SIPA1L2: variants seen among roughly 807,000 people sequenced by gnomAD.
SIPA1L2 encodes signal induced proliferation associated 1 like 2, also known as signal-induced proliferation-associated 1-like protein 2.
Under a neutral mutation model 163.9 loss-of-function variants are expected in SIPA1L2, and 56 were observed. The observed-to-expected ratio is 0.34, with a 90% CI of 0.28 to 0.43. The LOEUF (loss-of-function observed/expected upper bound fraction) is 0.43. SIPA1L2 is among the 20% of genes least tolerant of loss of function. The pLI is 1.00. For synonymous variants in SIPA1L2, 877 were observed against 865.7 expected, an observed-to-expected ratio of 1.01 and a Z score of -0.23; for missense variants, 1,974 against 2,193.5, an observed-to-expected ratio of 0.90 and a Z score of 2.00.
At chr1:232,587,744 G>C (rs1249866283) in intron 1 of SIPA1L2, among the ~76,000 whole-genome samples, 1 of 152,128 alleles carries the variant, frequency 6.6e-6, no homozygotes, top group Non-Finnish European at 1.5e-5. Context: ...TCGAACTGTA[G>C]CTCCCATAAT....
At chr1:232,444,789 C>T (rs1191248898) in intron 11 of SIPA1L2, among the ~76,000 whole-genome samples, 1 of 152,130 alleles carries the variant, frequency 6.6e-6, no homozygotes. Context: ...AAGTTAAGAG[C>T]TGTGATTCCA....
chr1:232,574,982 G>A (rs540984367), intron 1 of SIPA1L2, among the ~76,000 whole-genome samples: 4 of 152,274 alleles, frequency 2.6e-5, no homozygotes, highest in Non-Finnish European at 4.4e-5. Context: ...TTTGCCCCAG[G>A]CGAATCAGCA....
intron 1 of SIPA1L2, among the ~76,000 whole-genome samples, chr1:232,576,796 G>A (rs1473894469): frequency 1.3e-5 from 2 of 152,264 alleles, no homozygotes; most frequent in African/African-American, 2.4e-5. Flanking sequence ...TTGCTGATAC[G>A]GGGAAAGTTT....
intron 11 of SIPA1L2, 131 bp from the exon 12 acceptor site, chr1:232,443,816 G>A (rs563152164): frequency 2.1e-4 from 138 of 656,310 alleles, no homozygotes; most frequent in Non-Finnish European, 3.2e-4. Context: ...ATATTGCCAT[G>A]TGAAACAGAA....
intron 5 of SIPA1L2, among the ~76,000 whole-genome samples, chr1:232,485,355 T>C (rs113258292): frequency 4.1e-4 from 63 of 152,182 alleles, no homozygotes; most frequent in African/African-American, 1.3e-3. Context: ...GGATATGAGA[T>C]GGTGTGCATA....
chr1:232,540,202 G>A (rs1657564468), intron 2 of SIPA1L2, among the ~76,000 whole-genome samples: 1 of 152,142 alleles, frequency 6.6e-6, no homozygotes, highest in South Asian at 2.1e-4. Context: ...TACTCGAGAG[G>A]CTGAGGCAGG....
intron 1 of SIPA1L2, among the ~76,000 whole-genome samples, chr1:232,609,785 G>A (rs1405348964): frequency 3.5e-5 from 5 of 141,464 alleles, no homozygotes; most frequent in East Asian, 2.1e-4. Flanking sequence ...AGCCAAGATC[G>A]CACCACTGCA....
At position 232,514,349 on chromosome 1, in the gene SIPA1L2, G is replaced by A. The variant is rs1667119056; in HGVS notation, c.991C>T (p.His331Tyr). The change falls in exon 3 of 23, where the codon CAT becomes TAT. Residue 331 changes from histidine to tyrosine, a missense_variant. This residue lies in a region of SIPA1L2 where 607 missense variants were observed against 624.0 expected (regional missense o/e 0.97). Transcript: ENST00000674635. ...RPWNCQRCFA[H>Y]YDVQSILFNI... Reference sequence around the variant, plus strand: ...AACAAAATGCTCTGGACATCATAATGTGCAAAACATCGCTGACAATTCCAA... The same window carrying A: ...AACAAAATGCTCTGGACATCATAATATGCAAAACATCGCTGACAATTCCAA... The A allele has an allele frequency of 1.2e-6, 2 of 1,613,272 alleles. No individual in the cohort carries two copies. Among genetic ancestry groups the A allele is most frequent in the Non-Finnish European group, 1.7e-6 (2 of 1,180,030 alleles).
Position 232,461,013 on chromosome 1 carries a change from C to T in SIPA1L2, c.2969G>A (p.Arg990His), listed in dbSNP as rs1301775123. Residue 990 changes from arginine to histidine, a missense_variant, in exon 10 of 23, where the codon CGC becomes CAC. Coordinates refer to ENST00000674635, the MANE Select transcript of SIPA1L2 (RefSeq NM_020808.5). ...AWKAGLRQGS[R>H]LVEICKVAVA... ...GGCTACTTTGCAGATCTCCACGAGG[C>T]GGCTCCCTTGGCGAAGGCCAGCCTT... The T allele has an allele frequency of 2.5e-6, 4 of 1,614,146 alleles. No individual in the cohort carries two copies. The highest frequency in any genetic ancestry group is 1.1e-5 in the South Asian group (1 of 91,090).
intron 10 of SIPA1L2, among the ~76,000 whole-genome samples, chr1:232,458,438 C>T (rs546068783): frequency 8.5e-5 from 13 of 152,296 alleles, no homozygotes; most frequent in African/African-American, 3.1e-4. Context: ...TTCTATCCTC[C>T]TAAATTGTAT....
rs1667120005 is a variant in SIPA1L2 at position 232,514,375 on chromosome 1, G to A, written c.965C>T (p.Pro322Leu). Residue 322 changes from proline (P) to leucine (L), a missense_variant, in exon 3 of 23, where the codon CCT becomes CTT. This residue lies in a region of SIPA1L2 where 607 missense variants were observed against 624.0 expected (regional missense o/e 0.97). Coordinates refer to ENST00000674635, the MANE Select transcript of SIPA1L2 (RefSeq NM_020808.5). ...TGCAAAACATCGCTGACAATTCCAA[G>A]GGCGAATGCCCCTCTCCAGTCGGCT... The part of the protein sequence containing the change: ...EESRLERGIR[P>L]WNCQRCFAHY... 5.6e-6 allele frequency: 9 copies of A among 1,613,708 alleles called. No individual in the cohort carries two copies. Among genetic ancestry groups the A allele is most frequent in the Non-Finnish European group, 7.6e-6 (9 of 1,180,030 alleles).
At chr1:232,439,782 GAA>G (rs1268685654) in intron 14 of SIPA1L2, among the ~76,000 whole-genome samples, 2 of 152,172 alleles carry the variant, frequency 1.3e-5, no homozygotes, top group African/African-American at 4.8e-5. Flanking sequence ...CACTAGCAAA[GAA>G]AATAATAAGC....
At chr1:232,546,706 G>C (rs1479171052) in intron 2 of SIPA1L2, among the ~76,000 whole-genome samples, 1 of 152,168 alleles carries the variant, frequency 6.6e-6, no homozygotes, top group Non-Finnish European at 1.5e-5. Flanking sequence ...CGGCATTCTG[G>C]AATACAACAG....
intron 2 of SIPA1L2, among the ~76,000 whole-genome samples, chr1:232,531,048 T>C (rs1270263669): frequency 3.9e-5 from 6 of 152,238 alleles, no homozygotes; most frequent in Admixed American, 3.9e-4. Flanking sequence ...TGTCAAAATA[T>C]ACTCTAAATT....
chr1:232,462,307 C>T (rs1664282375), intron 9 of SIPA1L2: 12 of 1,548,390 alleles, frequency 7.7e-6, no homozygotes, highest in Non-Finnish European at 1.0e-5. Context: ...TACTCCTATC[C>T]CCAAAAGCCC....
intron 1 of SIPA1L2, among the ~76,000 whole-genome samples, chr1:232,610,452 C>G (rs1202550802): frequency 1.3e-5 from 2 of 152,198 alleles, no homozygotes; most frequent in Admixed American, 6.5e-5. Context: ...GACACAAAAA[C>G]TCGGTGCTAT....
rs143814948 is a variant in SIPA1L2 at position 232,439,181 on chromosome 1, C to A, written c.3958G>T (p.Ala1320Ser). The stretch of plus-strand genomic sequence containing the variant: ...GCACTGCCGGCGGAGATGGTGGACG[C>A]GTAGCCATGCACAGAATATAACTTG... ...PAKLYSVHGY[A>S]STISAGSAAE... Residue 1320 changes from alanine (A) to serine (S), a missense_variant, in exon 15 of 23, where the codon GCG (alanine) becomes TCG (serine). Physicochemically the swap from Ala to Ser is moderately conservative, Grantham distance 99. Around this residue, in one of 3 missense-constraint regions of SIPA1L2, gnomAD observed 1,079 missense variants for 1,150.7 expected, o/e 0.94. Coordinates refer to ENST00000674635, the MANE Select transcript of SIPA1L2 (RefSeq NM_020808.5). The A allele has an allele frequency of 6.2e-7, 1 of 1,613,634 alleles. No homozygotes were observed. The highest frequency in any genetic ancestry group is 8.5e-7 in the Non-Finnish European group (1 of 1,180,012).
chr1:232,551,869 C>T (rs1159972273), intron 2 of SIPA1L2, among the ~76,000 whole-genome samples: 2 of 152,224 alleles, frequency 1.3e-5, no homozygotes, highest in African/African-American at 4.8e-5. Context: ...GAAGAAGTCT[C>T]GCTCTTGTAC....
Position 232,514,603 on chromosome 1 carries a change from G to A in SIPA1L2, c.737C>T (p.Ala246Val). The change falls in exon 3 of 23, where the codon GCA (alanine) becomes GTA (valine). Residue 246 changes from alanine (A) to valine (V), a missense_variant. By Grantham distance (64) the Ala-to-Val change is moderately conservative. Coordinates refer to ENST00000674635, the MANE Select transcript of SIPA1L2 (RefSeq NM_020808.5). ...TTCTCCCCTAGAAATCTGTGCTGCTGCATGAAGGCTCGGAGAGATTGCAGG... is the reference window on the plus strand; with the variant it reads ...TTCTCCCCTAGAAATCTGTGCTGCTACATGAAGGCTCGGAGAGATTGCAGG... ...CDPAISPSLH[A>V]AAQISRGEFV... 6.2e-7 allele frequency: 1 copy of A among 1,614,210 alleles called. No homozygotes were observed. The highest frequency in any genetic ancestry group is 8.5e-7 in the Non-Finnish European group (1 of 1,180,044).
Sources: gnomAD v4.1 joint callset for allele counts (sites outside exome capture counted in the v4.1 genomes callset) on GRCh38, gnomAD v4.1.1 for gene constraint, gnomAD v4.1.1 regional missense constraint, MANE v1.5 for transcripts, NCBI Gene and HGNC (gene_info 2026-07-23, HGNC 2026-07-21) for gene names.